Variants in SORCS2 observed in about 807,000 individuals in gnomAD.
The protein encoded by SORCS2 is sortilin related VPS10 domain containing receptor 2.
SORCS2 carries 100 observed loss-of-function variants against 141.6 expected under a neutral mutation model. The observed-to-expected ratio is 0.71, with a 90% CI of 0.60 to 0.83. The LOEUF is 0.83. SORCS2 is among the 40% of genes least tolerant of loss of function. The pLI is 0.00. For missense variants in SORCS2, 1,646 were observed against 1,560.2 expected, an observed-to-expected ratio of 1.05 and a Z score of -0.93; for synonymous variants, 789 against 676.9, an observed-to-expected ratio of 1.17 and a Z score of -2.57.
chr4:7,334,346 C>A (rs190574813), intron 1 of SORCS2, among the ~76,000 whole-genome samples: 77 of 152,236 alleles, frequency 5.1e-4, no homozygotes, highest in African/African-American at 1.7e-3. Context: ...CGCTCCCCTA[C>A]ACTCCTCCCT....
intron 2 of SORCS2, among the ~76,000 whole-genome samples, chr4:7,428,913 C>T (rs143082567): frequency 1.9e-3 from 283 of 152,230 alleles, no homozygotes; most frequent in Non-Finnish European, 3.5e-3. Context: ...CCCAGGAAGG[C>T]ACCTCTTCAC....
At chr4:7,226,495 T>G (rs1577297979) in intron 1 of SORCS2, among the ~76,000 whole-genome samples, 1 of 150,422 alleles carries the variant, frequency 6.6e-6, no homozygotes, top group Admixed American at 6.6e-5. Flanking sequence ...GCCGGGTGAG[T>G]GGGGGTTGGG....
rs757326808 is a variant in SORCS2, at chr4:7,664,476, G to A, written c.1071+5G>A. 6.3e-7 allele frequency: 1 copy of A among 1,591,154 alleles called. No individual in the cohort carries two copies. The highest frequency in any genetic ancestry group is 1.1e-5 in the South Asian group (1 of 88,500). ...GACGATTACATCTTCTTTAAGGTAA[G>A]GTTGCTTCTGGGGCTTTTGGAAATT... On this transcript the variant is annotated splice_donor_5th_base_variant and intron_variant, in intron 7 of 26. Transcript: ENST00000507866. This position sits in a 1 kb window ranked among gnomAD's most constrained non-coding sequence, Gnocchi z 4.7.
chr4:7,287,451 C>T (rs573045648), intron 1 of SORCS2, among the ~76,000 whole-genome samples: 18 of 152,318 alleles, frequency 1.2e-4, no homozygotes, highest in African/African-American at 3.8e-4. Flanking sequence ...GGGGGCACAT[C>T]GCCCTTGCCA....
intron 9 of SORCS2, among the ~76,000 whole-genome samples, chr4:7,680,186 C>T (rs1173621183): frequency 6.6e-6 from 1 of 152,228 alleles, no homozygotes; most frequent in Non-Finnish European, 1.5e-5. Flanking sequence ...CAGCCATTTG[C>T]TGGGTGTGCG....
At chr4:7,297,016 G>A (rs558271067) in intron 1 of SORCS2, among the ~76,000 whole-genome samples, 6 of 152,240 alleles carry the variant, frequency 3.9e-5, no homozygotes, top group East Asian at 3.9e-4. Flanking sequence ...ACTTGCAGCC[G>A]AACACCTGGG....
intron 2 of SORCS2, among the ~76,000 whole-genome samples, chr4:7,484,048 C>A (rs17828052): frequency 1.3e-5 from 2 of 152,152 alleles, no homozygotes; most frequent in African/African-American, 4.8e-5. Flanking sequence ...TTACTTTCTT[C>A]GAGCATTTAA....
At chr4:7,383,597 G>A (rs1055097561) in intron 1 of SORCS2, among the ~76,000 whole-genome samples, 15 of 152,140 alleles carry the variant, frequency 9.9e-5, no homozygotes, top group African/African-American at 3.4e-4. Context: ...GGAGATACCC[G>A]GGCACTTTTT....
chr4:7,627,470 G>C (rs866768889), intron 3 of SORCS2, among the ~76,000 whole-genome samples: 10 of 152,318 alleles, frequency 6.6e-5, no homozygotes, highest in Middle Eastern at 6.8e-3. Flanking sequence ...CCCATGCCAT[G>C]GGGGGTGAAT....
intron 1 of SORCS2, among the ~76,000 whole-genome samples, chr4:7,387,827 CAT>C (rs1239000813): frequency 3.6e-5 from 5 of 140,730 alleles, no homozygotes; most frequent in East Asian, 2.3e-4. Context: ...CAGAGATACA[CAT>C]GCACATACAT....
At chr4:7,725,336 C>G (rs753908165) in intron 20 of SORCS2, 49 bp downstream of exon 20, 1 of 1,583,080 alleles carries the variant, frequency 6.3e-7, no homozygotes, top group East Asian at 2.3e-5. Context: ...AGGCTCCCCA[C>G]AAGCTGCACA....
intron 1 of SORCS2, among the ~76,000 whole-genome samples, chr4:7,260,727 C>T (rs1391232064): frequency 6.6e-6 from 1 of 152,180 alleles, no homozygotes; most frequent in East Asian, 1.9e-4. Context: ...GTAAGGAGGG[C>T]AGAACCAGAG....
chr4:7,723,127 C>T (rs1001849119), intron 18 of SORCS2, among the ~76,000 whole-genome samples: 1 of 152,160 alleles, frequency 6.6e-6, no homozygotes, highest in Admixed American at 6.5e-5. Flanking sequence ...GCGGGGATGG[C>T]AGTTGGTGGG....
rs1724590997 is a variant in SORCS2, at chr4:7,695,588, G to GA, written c.1592-1610_1592-1609insA. 8.9e-4 allele frequency among the ~76,000 whole-genome samples: 9 copies of GA among 10,136 alleles called. 1 individual carries two copies. The highest frequency in any genetic ancestry group is 1.3e-3 in the Non-Finnish European group (7 of 5,598). 6.6% of individuals were successfully genotyped at this position (10,136 alleles called of 152,430 possible). On this transcript the variant is annotated intron_variant, in intron 11 of 26. Coordinates refer to ENST00000507866, the MANE Select transcript of SORCS2 (RefSeq NM_020777.3). ...CATGGATGGATGGATGGATGGATTGGTGGGTGGGTGGGTGGATGGATGGAT... is the reference window on the plus strand; with the variant it reads ...CATGGATGGATGGATGGATGGATTGGATGGGTGGGTGGGTGGATGGATGGAT...
intron 2 of SORCS2, among the ~76,000 whole-genome samples, chr4:7,518,401 C>T (rs1335705979): frequency 6.6e-6 from 1 of 152,160 alleles, no homozygotes; most frequent in African/African-American, 2.4e-5. Flanking sequence ...CCACTTCACT[C>T]CTGCTGGGAA....
intron 1 of SORCS2, among the ~76,000 whole-genome samples, chr4:7,332,442 C>A (rs940487723): frequency 5.9e-5 from 9 of 152,226 alleles, no homozygotes; most frequent in Admixed American, 5.2e-4. Context: ...ACAACTGCCT[C>A]TGCTTCTGTC....
At position 7,258,900 on chromosome 4, in the gene SORCS2, G is replaced by A. The variant is rs139801586; in HGVS notation, c.480+65774G>A. 6.8e-3 allele frequency among the ~76,000 whole-genome samples: 1,037 copies of A among 152,234 alleles called. 7 individuals are homozygous for A. Among genetic ancestry groups the A allele is most frequent in the Admixed American group, 0.01 (160 of 15,290 alleles). On this transcript the variant is annotated intron_variant, in intron 1 of 26. Coordinates refer to ENST00000507866, the MANE Select transcript of SORCS2 (RefSeq NM_020777.3). Reference sequence around the variant, plus strand: ...GTGATGATGAGCATTTTTTTCATACGTTTGTTGGCTGCATAAGTGTCTTCT... The same window carrying A: ...GTGATGATGAGCATTTTTTTCATACATTTGTTGGCTGCATAAGTGTCTTCT...
chr4:7,705,118 T>C (rs6446614), intron 14 of SORCS2, among the ~76,000 whole-genome samples: 133,508 of 152,128 alleles, frequency 0.88, 58,762 homozygotes, highest in East Asian at 1. Context: ...GGGCGGACCC[T>C]GATCCAATGA....
intron 1 of SORCS2, among the ~76,000 whole-genome samples, chr4:7,367,955 C>T (rs1722003951): frequency 6.6e-6 from 1 of 152,236 alleles, no homozygotes. Flanking sequence ...GGTTTCAGCT[C>T]TCCCTCTGAG....
Sources: gnomAD v4.1 joint callset for allele counts (sites outside exome capture counted in the v4.1 genomes callset) on GRCh38, gnomAD v4.1.1 for gene constraint, Gnocchi (gnomAD v3.1) non-coding constraint, MANE v1.5 for transcripts, NCBI Gene and HGNC (gene_info 2026-07-23, HGNC 2026-07-21) for gene names.